Variants in DUSP13B observed in about 807,000 individuals in gnomAD.
DUSP13B encodes dual specificity phosphatase 13B.
chr10:75,099,104 T>A, the DUSP13B span: 2 of 1,232,240 alleles, frequency 1.6e-6, no homozygotes. Context: ...ATCTGCTGGC[T>A]GAAGGAGTCA....
At chr10:75,104,929 T>C in the DUSP13B span, among the ~76,000 whole-genome samples, 1 of 150,960 alleles carries the variant, frequency 6.6e-6, no homozygotes, top group Non-Finnish European at 1.5e-5. Flanking sequence ...CCCTGGGAGG[T>C]TTCTGGGAGG....
At chr10:75,094,909 C>T in the DUSP13B span, 16 of 1,605,142 alleles carry the variant, frequency 1.0e-5, no homozygotes, top group South Asian at 1.6e-4. Flanking sequence ...GCATCAGCTA[C>T]CTGCCCTTGA....
the DUSP13B span, chr10:75,101,749 T>G: frequency 1.6e-6 from 1 of 629,846 alleles, no homozygotes; most frequent in Non-Finnish European, 2.6e-6. Flanking sequence ...ACCCAGTCGG[T>G]TCTCTACCCA....
the DUSP13B span, among the ~76,000 whole-genome samples, chr10:75,096,113 G>A: frequency 0.54 from 81,885 of 151,676 alleles, 22,966 homozygotes; most frequent in East Asian, 0.89. Context: ...AAATTAGCCA[G>A]GCATGGTGGT....
At chr10:75,102,474 A>G in the DUSP13B span, among the ~76,000 whole-genome samples, 3 of 152,134 alleles carry the variant, frequency 2.0e-5, no homozygotes, top group African/African-American at 7.2e-5. Context: ...AAAAAGAAAA[A>G]AAGAGATAGT....
chr10:75,097,778 C>T, the DUSP13B span: 1 of 1,613,894 alleles, frequency 6.2e-7, no homozygotes, highest in Non-Finnish European at 8.5e-7. Context: ...CTGACGGACC[C>T]ACAGCAAGCG....
chr10:75,103,597 C>T, the DUSP13B span, among the ~76,000 whole-genome samples: 2 of 152,222 alleles, frequency 1.3e-5, no homozygotes, highest in Admixed American at 6.5e-5. Context: ...TTGTCATACA[C>T]ACATACCTTG....
chr10:75,094,798 T>A, the DUSP13B span: 1 of 1,614,182 alleles, frequency 6.2e-7, no homozygotes. Context: ...ACCAGCGTCA[T>A]GTTCTCACAG....
At chr10:75,100,607 C>T in the DUSP13B span, among the ~76,000 whole-genome samples, 416 of 152,270 alleles carry the variant, frequency 2.7e-3, 15 homozygotes, top group Non-Finnish European at 2.2e-3. Flanking sequence ...GGGCCAGGGC[C>T]CGGCCGAGCT....
At chr10:75,108,151 C>T in the DUSP13B span, 9 of 1,612,748 alleles carry the variant, frequency 5.6e-6, no homozygotes, top group African/African-American at 4.0e-5. Context: ...TTGTGGGCGG[C>T]GTTCAGCACG....
At chr10:75,099,271 G>A in the DUSP13B span, 21 of 1,232,292 alleles carry the variant, frequency 1.7e-5, no homozygotes, top group Non-Finnish European at 2.0e-5. Context: ...TTGGTAGGCA[G>A]TGCCAGGACC....
chr10:75,098,145 A>G, the DUSP13B span, among the ~76,000 whole-genome samples: 1 of 152,222 alleles, frequency 6.6e-6, no homozygotes, highest in African/African-American at 2.4e-5. Context: ...CTGCAGATGT[A>G]TGAAGCTTTG....
At chr10:75,107,232 G>A in the DUSP13B span, among the ~76,000 whole-genome samples, 4 of 152,068 alleles carry the variant, frequency 2.6e-5, no homozygotes, top group African/African-American at 9.7e-5. Flanking sequence ...CTACTTGGGA[G>A]GCTGAGACAC....
the DUSP13B span, chr10:75,099,442 T>C: frequency 1.6e-6 from 2 of 1,232,542 alleles, no homozygotes; most frequent in East Asian, 3.2e-5. Flanking sequence ...GGGCATGGCC[T>C]GGGGCCGGGA....
At chr10:75,100,141 C>T in the DUSP13B span, among the ~76,000 whole-genome samples, 13 of 152,142 alleles carry the variant, frequency 8.5e-5, no homozygotes, top group Admixed American at 8.5e-4. Flanking sequence ...ATGGGTGTGT[C>T]ACAGCCCAGC....
At chr10:75,098,430 A>C in the DUSP13B span, among the ~76,000 whole-genome samples, 484 of 152,292 alleles carry the variant, frequency 3.2e-3, 2 homozygotes, top group African/African-American at 0.011. Flanking sequence ...GGTATTTGTT[A>C]GCAACTCCGC....
At chr10:75,097,989 T>C in the DUSP13B span, 1 of 1,031,622 alleles carries the variant, frequency 9.7e-7, no homozygotes, top group Non-Finnish European at 1.4e-6. Flanking sequence ...ACGGGGATGC[T>C]GCAGGAAGGG....
chr10:75,099,214 G>T, the DUSP13B span: 1 of 1,232,178 alleles, frequency 8.1e-7, no homozygotes, highest in South Asian at 4.1e-5. Flanking sequence ...TGATCCCCTG[G>T]ACCAGTGACT....
At chr10:75,105,926 G>C in the DUSP13B span, 1 of 1,500,782 alleles carries the variant, frequency 6.7e-7, no homozygotes, top group Non-Finnish European at 9.0e-7. Context: ...CCCACGGGCT[G>C]GGATGGGGAC....
Sources: allele counts gnomAD v4.1 joint callset (sites outside exome capture counted in the v4.1 genomes callset), GRCh38; gene constraint gnomAD v4.1.1; transcripts MANE v1.5; gene names NCBI Gene and HGNC (gene_info 2026-07-23, HGNC 2026-07-21).